Variants in TOGARAM1 observed in about 807,000 individuals in gnomAD.
The protein encoded by TOGARAM1 is TOG array regulator of axonemal microtubules 1, also known as TOG array regulator of axonemal microtubules protein 1.
Under a neutral mutation model 166.6 loss-of-function variants are expected in TOGARAM1, and 100 were observed. The observed-to-expected ratio is 0.60, with a 90% CI of 0.51 to 0.71. TOGARAM1 has a LOEUF of 0.71. TOGARAM1 is among the 30% of genes least tolerant of loss of function. The pLI is 0.00. For missense variants in TOGARAM1, 2,029 were observed against 2,102.7 expected (o/e 0.96, Z 0.69); for synonymous variants, 758 against 763.8 (o/e 0.99, Z 0.13).
At chr14:44,987,206 T>C (rs1009808016) in intron 1 of TOGARAM1, among the ~76,000 whole-genome samples, 75 of 151,850 alleles carry the variant, frequency 4.9e-4, no homozygotes, top group African/African-American at 1.8e-3. Context: ...CCCAAAGTGC[T>C]GGGATTACAA....
chr14:44,976,140 T>C (rs1382215269), intron 1 of TOGARAM1, among the ~76,000 whole-genome samples: 2 of 152,192 alleles, frequency 1.3e-5, no homozygotes, highest in African/African-American at 4.8e-5. Context: ...CTCACTTTGA[T>C]TAACATCTTT....
At chr14:44,964,982 A>AAAAAGC (rs1281426310) in intron 1 of TOGARAM1, among the ~76,000 whole-genome samples, 1 of 151,064 alleles carries the variant, frequency 6.6e-6, no homozygotes, top group Admixed American at 6.6e-5. Context: ...AAGGAAAAAG[A>AAAAAGC]AAAAGCCTCC....
rs1395006016 is a variant in TOGARAM1 at position 44,962,402 on chromosome 14, C to T, written c.-20C>T. The T allele has an allele frequency of 6.6e-7, 1 of 1,525,244 alleles. No homozygotes were observed. The highest frequency in any genetic ancestry group is 2.1e-5 in the Admixed American group (1 of 47,236). 94.5% of individuals were successfully genotyped at this position (1,525,244 alleles called of 1,614,324 possible). ...AGACGGCAATGGTTTCTTCCAACCACCACCACCTGACAACCCTGCATGGCG... is the reference window on the plus strand; with the variant it reads ...AGACGGCAATGGTTTCTTCCAACCATCACCACCTGACAACCCTGCATGGCG... On this transcript the variant is annotated 5_prime_UTR_variant, in exon 1 of 20. Coordinates refer to ENST00000361462, the MANE Select transcript of TOGARAM1 (RefSeq NM_001308120.2).
chr14:45,068,539 T>C lies in TOGARAM1; in HGVS notation c.4865T>C (p.Ile1622Thr). The change falls in exon 18 of 20, where the codon ATC (isoleucine) becomes ACC (threonine). Residue 1622 changes from isoleucine to threonine, a missense_variant. By Grantham distance (89) the Ile-to-Thr change is moderately conservative. Around this residue, in one of 2 missense-constraint regions of TOGARAM1, gnomAD observed 576 missense variants for 670.5 expected, o/e 0.86. Coordinates refer to ENST00000361462, the MANE Select transcript of TOGARAM1 (RefSeq NM_001308120.2). ...PLLRDHLSPI[I>T]NMLIPAIVDN... is the part of the protein sequence containing the mutation. ...CTTAGAGACCACTTATCTCCTATAA[T>C]CAACATGCTAATTCCAGCAATAGTG... The C allele has an allele frequency of 6.2e-7, 1 of 1,613,594 alleles. No individual in the cohort carries two copies. The highest frequency in any genetic ancestry group is 8.5e-7 in the Non-Finnish European group (1 of 1,179,756).
At chr14:45,028,012 A>G (rs1880955490) in intron 9 of TOGARAM1, among the ~76,000 whole-genome samples, 164 bp from the exon 10 acceptor site, 2 of 152,206 alleles carry the variant, frequency 1.3e-5, no homozygotes, top group Middle Eastern at 6.8e-3. Context: ...TATATTTTAC[A>G]TGTACTATAT....
At chr14:44,994,403 G>A (rs1368383016) in intron 1 of TOGARAM1, among the ~76,000 whole-genome samples, 1 of 151,990 alleles carries the variant, frequency 6.6e-6, no homozygotes, top group African/African-American at 2.4e-5. Context: ...ATAGGCATGA[G>A]CCATCATGCC....
chr14:45,031,645 C>G (rs988588111), intron 10 of TOGARAM1, among the ~76,000 whole-genome samples: 2 of 152,062 alleles, frequency 1.3e-5, no homozygotes, highest in Non-Finnish European at 2.9e-5. Context: ...TGTTATGACT[C>G]ATGACTGAAA....
At position 44,962,994 on chromosome 14, in the gene TOGARAM1, G is replaced by T. The variant is rs1254157936; in HGVS notation, c.573G>T (p.Glu191Asp). ...AACTAGTTGTCTCGTTACGGGAAGA[G>T]AATCCAGCCCTGCGGAAAGATGCGC... ...LPQLVVSLREENPALRKDALQ... is the reference protein window; with the variant it reads ...LPQLVVSLREDNPALRKDALQ... Residue 191 changes from glutamate to aspartate, a missense_variant, in exon 1 of 20, where the codon GAG (glutamate) becomes GAT (aspartate). Glu to Asp is a conservative substitution (Grantham distance 45, BLOSUM62 2). Around this residue, in one of 2 missense-constraint regions of TOGARAM1, gnomAD observed 1,453 missense variants for 1,432.2 expected, o/e 1.01. Coordinates refer to ENST00000361462, the MANE Select transcript of TOGARAM1 (RefSeq NM_001308120.2). 3 of 1,614,200 alleles carry T rather than the reference G, an allele frequency of 1.9e-6. No individual in the cohort carries two copies. The highest frequency in any genetic ancestry group is 4.5e-5 in the East Asian group (2 of 44,878).
At position 44,963,280 on chromosome 14, in the gene TOGARAM1, C is replaced by G. The variant is rs759790788; in HGVS notation, c.859C>G (p.Leu287Val). 1 of 1,614,180 alleles carries G rather than the reference C, an allele frequency of 6.2e-7. No homozygotes were observed. The highest frequency in any genetic ancestry group is 2.2e-5 in the East Asian group (1 of 44,880). ...FSALQQIGER[L>V]GQDRFQSYIS... ...CGCACTTCAACAAATTGGGGAGCGA[C>G]TTGGCCAAGACAGGTTTCAATCTTA... is the stretch of plus-strand genomic sequence containing the variant. Residue 287 changes from leucine to valine, a missense_variant, in exon 1 of 20, where the codon CTT becomes GTT. Transcript: ENST00000361462.
intron 1 of TOGARAM1, among the ~76,000 whole-genome samples, chr14:44,977,710 C>T (rs1886285491): frequency 6.6e-6 from 1 of 151,850 alleles, no homozygotes; most frequent in Non-Finnish European, 1.5e-5. Context: ...ATGAGCTGCA[C>T]TTGCAGCTCA....
At chr14:45,006,897 C>T (rs1409230742) in intron 5 of TOGARAM1, 3 of 151,994 alleles carry the variant, frequency 2.0e-5, no homozygotes, top group African/African-American at 4.8e-5. Flanking sequence ...TCATATTGTA[C>T]ACTCATCTTT....
chr14:45,034,177 A>C (rs1881312744), intron 11 of TOGARAM1, among the ~76,000 whole-genome samples: 1 of 152,132 alleles, frequency 6.6e-6, no homozygotes, highest in South Asian at 2.1e-4. Context: ...AAACAACAAC[A>C]AAAAAACAAT....
chr14:44,990,716 C>T (rs1006169534), intron 1 of TOGARAM1, among the ~76,000 whole-genome samples: 5 of 152,094 alleles, frequency 3.3e-5, no homozygotes, highest in Admixed American at 1.3e-4. Context: ...TTTGTTTGCA[C>T]ATTTTATGGG....
At chr14:45,073,128 C>G (rs182373325) in intron 19 of TOGARAM1, among the ~76,000 whole-genome samples, 168 bp from the exon 20 acceptor site, 187 of 152,218 alleles carry the variant, frequency 1.2e-3, no homozygotes, top group African/African-American at 4.3e-3. Flanking sequence ...TTTGAAGATC[C>G]CAATCTTTGA....
intron 1 of TOGARAM1, among the ~76,000 whole-genome samples, chr14:44,994,154 T>C (rs934439387): frequency 2.6e-5 from 4 of 152,220 alleles, no homozygotes; most frequent in African/African-American, 9.6e-5. Context: ...TTGCCCAGCC[T>C]GGAGTGCAGT....
At chr14:44,987,728 C>T (rs1886911552) in intron 1 of TOGARAM1, among the ~76,000 whole-genome samples, 1 of 149,806 alleles carries the variant, frequency 6.7e-6, no homozygotes, top group Non-Finnish European at 1.5e-5. Context: ...CTGGAAATAC[C>T]ATTTGACCCA....
intron 10 of TOGARAM1, among the ~76,000 whole-genome samples, chr14:45,031,858 C>A (rs1286324935): frequency 6.6e-6 from 1 of 151,870 alleles, no homozygotes; most frequent in East Asian, 1.9e-4. Context: ...ATGTTTGTAC[C>A]CTTTGTATGA....
At chr14:45,046,131 T>C (rs2138958451) in intron 13 of TOGARAM1, among the ~76,000 whole-genome samples, 1 of 147,712 alleles carries the variant, frequency 6.8e-6, no homozygotes, top group East Asian at 2.0e-4. Context: ...TGTTAAATCA[T>C]TTAACTTTAA....
chr14:45,005,040 T>G (rs1467650528), intron 4 of TOGARAM1, among the ~76,000 whole-genome samples: 2 of 151,868 alleles, frequency 1.3e-5, no homozygotes, highest in Non-Finnish European at 2.9e-5. Flanking sequence ...CTCAGCCTCT[T>G]GAGTAGCTGG....
Sources: allele counts gnomAD v4.1 joint callset (sites outside exome capture counted in the v4.1 genomes callset), GRCh38; gene constraint gnomAD v4.1.1; regional missense constraint gnomAD v4.1.1; transcripts MANE v1.5; gene names NCBI Gene and HGNC (gene_info 2026-07-23, HGNC 2026-07-21).